The following NRXN3 variants were observed in gnomAD, a reference collection of about 807,000 sequenced individuals.
The protein encoded by NRXN3 is neurexin III.
In NRXN3, 32 loss-of-function variants were observed where a neutral mutation model predicts 137.6. That is an observed-to-expected ratio of 0.23 (90% CI 0.18 to 0.31). NRXN3 has a LOEUF of 0.31. Among genes scored for constraint, NRXN3 ranks in the 10% least tolerant of loss-of-function variants. The probability of loss-of-function intolerance (pLI) is 1.00; values close to 1 mark genes in which losing one functional copy is unlikely to be tolerated. For synonymous variants in NRXN3, 798 were observed against 784.5 expected (o/e 1.02, Z -0.29); for missense variants, 1,574 against 2,062.5 (o/e 0.76, Z 4.59).
intron 11 of NRXN3, among the ~76,000 whole-genome samples, chr14:78,958,727 T>A (rs1434642139): frequency 6.6e-6 from 1 of 152,194 alleles, no homozygotes; most frequent in Non-Finnish European, 1.5e-5. Context: ...GCAGAATTCT[T>A]ATCCATATGG....
Position 78,603,385 on chromosome 14 carries a change from G to T in NRXN3, c.758-41735G>T, listed in dbSNP as rs114288629. Among the ~76,000 whole-genome samples, 6 of 152,154 alleles carry T rather than the reference G, an allele frequency of 3.9e-5. 1 individual carries two copies. Among genetic ancestry groups the T allele is most frequent in the African/African-American group, 1.4e-4 (6 of 41,422 alleles). Reference sequence around the variant, plus strand: ...TCCTGGGCTGCCTGCAGCAGCTGTGGGGTTCCCAGCCAACTGCCTTGTCCT... The same window carrying T: ...TCCTGGGCTGCCTGCAGCAGCTGTGTGGTTCCCAGCCAACTGCCTTGTCCT... On this transcript the variant is annotated intron_variant, in intron 4 of 20. Coordinates refer to ENST00000335750, the MANE Select transcript of NRXN3 (RefSeq NM_001330195.2).
chr14:79,769,185 T>G (rs1193741392), intron 19 of NRXN3, among the ~76,000 whole-genome samples: 2 of 148,320 alleles, frequency 1.3e-5, no homozygotes, highest in Non-Finnish European at 3.0e-5. Context: ...TGGAACCAAG[T>G]TGGAAAACAC....
intron 10 of NRXN3, among the ~76,000 whole-genome samples, chr14:78,813,558 A>G (rs2098921510): frequency 6.6e-6 from 1 of 152,160 alleles, no homozygotes; most frequent in Non-Finnish European, 1.5e-5. Flanking sequence ...TTAAATTTGA[A>G]TCAAGGTGGA....
At chr14:78,520,146 C>G (rs775995744) in intron 4 of NRXN3, among the ~76,000 whole-genome samples, 2 of 152,168 alleles carry the variant, frequency 1.3e-5, no homozygotes, top group Non-Finnish European at 2.9e-5. Flanking sequence ...GCAGTAATTA[C>G]TTGATTGACC....
intron 4 of NRXN3, among the ~76,000 whole-genome samples, chr14:78,381,880 A>G (rs2089192676): frequency 6.6e-6 from 1 of 152,228 alleles, no homozygotes; most frequent in Non-Finnish European, 1.5e-5. Context: ...TCTTTAAATG[A>G]CAAAAATATA....
At chr14:79,760,027 A>C (rs953276583) in intron 19 of NRXN3, among the ~76,000 whole-genome samples, 2 of 151,700 alleles carry the variant, frequency 1.3e-5, no homozygotes, top group African/African-American at 4.9e-5. Flanking sequence ...TAGTTGGTCT[A>C]CTGGGAAATT....
At chr14:79,840,507 A>G (rs2099353719) in intron 20 of NRXN3, among the ~76,000 whole-genome samples, 1 of 152,152 alleles carries the variant, frequency 6.6e-6, no homozygotes, top group South Asian at 2.1e-4. Context: ...GTGCCTAAAG[A>G]TTAGCTTGTT....
intron 15 of NRXN3, among the ~76,000 whole-genome samples, chr14:79,362,641 T>G (rs1290497030): frequency 6.6e-6 from 1 of 152,200 alleles, no homozygotes; most frequent in Non-Finnish European, 1.5e-5. Flanking sequence ...AGAAATGATC[T>G]TTACACAATT....
At chr14:79,282,859 T>C (rs918036188) in intron 15 of NRXN3, among the ~76,000 whole-genome samples, 3 of 152,148 alleles carry the variant, frequency 2.0e-5, no homozygotes, top group African/African-American at 4.8e-5. Context: ...GGAGAGTGAA[T>C]GCATCTGTAT....
intron 16 of NRXN3, among the ~76,000 whole-genome samples, chr14:79,580,706 C>G (rs2097707418): frequency 6.6e-6 from 1 of 152,122 alleles, no homozygotes; most frequent in South Asian, 2.1e-4. Flanking sequence ...GTTCAGTTAA[C>G]TCAGAATGTG....
intron 15 of NRXN3, among the ~76,000 whole-genome samples, chr14:79,043,394 G>T (rs980104922): frequency 6.6e-6 from 1 of 152,194 alleles, no homozygotes; most frequent in Non-Finnish European, 1.5e-5. Context: ...GGCGGATCAG[G>T]ATCCAAGATT....
chr14:79,205,839 T>G (rs1413880125), intron 15 of NRXN3, among the ~76,000 whole-genome samples: 1 of 152,212 alleles, frequency 6.6e-6, no homozygotes, highest in Non-Finnish European at 1.5e-5. Context: ...TTTCTCCATG[T>G]TGCTACACTT....
intron 16 of NRXN3, among the ~76,000 whole-genome samples, chr14:79,658,883 A>G (rs754285755): frequency 3.3e-5 from 5 of 152,184 alleles, no homozygotes; most frequent in East Asian, 1.9e-4. Flanking sequence ...CTCAGCTGCA[A>G]TTTTCTAAAA....
chr14:79,250,376 A>G (rs2075771236), intron 15 of NRXN3, among the ~76,000 whole-genome samples: 1 of 152,200 alleles, frequency 6.6e-6, no homozygotes, highest in Non-Finnish European at 1.5e-5. Flanking sequence ...GATGGATGTT[A>G]TTAAATTTTC....
chr14:79,281,837 C>T (rs1245769952), intron 15 of NRXN3: 1 of 152,220 alleles, frequency 6.6e-6, no homozygotes, highest in Admixed American at 6.5e-5. Context: ...AACATCCAGA[C>T]CCTATTTGGA....
At chr14:79,268,301 G>A (rs1568863844) in intron 15 of NRXN3, among the ~76,000 whole-genome samples, 1 of 152,120 alleles carries the variant, frequency 6.6e-6, no homozygotes, top group Non-Finnish European at 1.5e-5. Flanking sequence ...AGGATATAAC[G>A]ATGTTTTTAG....
chr14:78,243,023 CA>C lies in NRXN3; in HGVS notation c.-68del. On this transcript the variant is annotated 5_prime_UTR_variant, in exon 2 of 21. Transcript: ENST00000335750. The surrounding 1 kb of genome is among the most constrained non-coding windows in gnomAD (Gnocchi z 4.2). ...GTCTTGTCTTTCCCACTTCTATTGC[CA>C]AAGGGAGAGATCCTCTCCGGGCTGT... The C allele has an allele frequency of 2.6e-6, 3 of 1,175,124 alleles. No homozygotes were observed. In the South Asian group the frequency reaches 4.8e-5, roughly 19 times the overall value. The allele number at this position is 1,175,124 out of a possible 1,614,324, so 72.8% of individuals were successfully genotyped here. A position where few individuals can be genotyped will look rare whatever the true frequency, so the allele number is the denominator to read the frequency against.
chr14:79,544,642 G>C (rs1213558877), intron 16 of NRXN3, among the ~76,000 whole-genome samples: 1 of 146,134 alleles, frequency 6.8e-6, no homozygotes, highest in Admixed American at 6.7e-5. Flanking sequence ...TCTAAATATA[G>C]CAGTGGGTTT....
At chr14:79,297,728 G>C (rs79854333) in intron 15 of NRXN3, among the ~76,000 whole-genome samples, 1 of 152,228 alleles carries the variant, frequency 6.6e-6, no homozygotes, top group East Asian at 1.9e-4. Flanking sequence ...TGTATAGAAG[G>C]AACATTTCCA....
Sources: gnomAD v4.1 joint callset for allele counts (sites outside exome capture counted in the v4.1 genomes callset) on GRCh38, gnomAD v4.1.1 for gene constraint, Gnocchi (gnomAD v3.1) non-coding constraint, MANE v1.5 for transcripts, NCBI Gene and HGNC (gene_info 2026-07-23, HGNC 2026-07-21) for gene names.